Variants in NRG3 observed in about 807,000 individuals in gnomAD.
NRG3 encodes the protein neuregulin 3, also known as pro-neuregulin-3, membrane-bound isoform.
NRG3 carries 31 observed loss-of-function variants against 66.9 expected under a neutral mutation model. That is an observed-to-expected ratio of 0.46 (90% CI 0.35 to 0.63). NRG3 has a LOEUF of 0.63. Ranked by LOEUF, NRG3 falls within the 20% of genes least tolerant of loss-of-function variation. The pLI, the probability that NRG3 is intolerant of heterozygous loss-of-function variation, is 0.00. For synonymous variants in NRG3, 393 were observed against 359.4 expected (o/e 1.09, Z -1.06); for missense variants, 910 against 878.9 (o/e 1.04, Z -0.45).
intron 1 of NRG3, among the ~76,000 whole-genome samples, chr10:82,102,479 T>C (rs945962127): frequency 5.3e-5 from 8 of 151,510 alleles, no homozygotes; most frequent in African/African-American, 1.9e-4. Flanking sequence ...TGGTTTTATT[T>C]AGGTTTAGCT....
chr10:82,684,737 A>G (rs1165934870), intron 2 of NRG3, among the ~76,000 whole-genome samples: 1 of 152,168 alleles, frequency 6.6e-6, no homozygotes. Flanking sequence ...TCAGGAGGGC[A>G]AGAGATGCTG....
At chr10:82,933,177 G>A (rs1181431288) in intron 4 of NRG3, among the ~76,000 whole-genome samples, 2 of 152,202 alleles carry the variant, frequency 1.3e-5, no homozygotes. Context: ...TTTCTCTCCA[G>A]TTCCTGGGAA....
intron 1 of NRG3, among the ~76,000 whole-genome samples, chr10:81,983,685 A>AT (rs1380707742): frequency 1.3e-5 from 2 of 152,158 alleles, no homozygotes; most frequent in African/African-American, 4.8e-5. Context: ...AATTTAAAGT[A>AT]TTTTTTCCTC....
chr10:82,284,412 A>T (rs2079297051), intron 1 of NRG3, among the ~76,000 whole-genome samples: 1 of 152,230 alleles, frequency 6.6e-6, no homozygotes, highest in African/African-American at 2.4e-5. Flanking sequence ...CAAGAACAGG[A>T]ATGGAAAGCA....
At chr10:82,945,744 A>G (rs1472777557) in intron 4 of NRG3, among the ~76,000 whole-genome samples, 1 of 152,164 alleles carries the variant, frequency 6.6e-6, no homozygotes, top group Non-Finnish European at 1.5e-5. Context: ...TAATCACCTC[A>G]TAAAGGCCCC....
At chr10:82,408,083 GAC>G (rs56710891) in intron 2 of NRG3, among the ~76,000 whole-genome samples, 1,304 of 105,938 alleles carry the variant, frequency 0.012, 9 homozygotes, top group East Asian at 0.023. Flanking sequence ...GAGAGAGAGA[GAC>G]AGAAAGAAAG....
intron 1 of NRG3, among the ~76,000 whole-genome samples, chr10:82,297,456 A>C (rs544631037): frequency 6.6e-6 from 1 of 152,224 alleles, no homozygotes; most frequent in Non-Finnish European, 1.5e-5. Flanking sequence ...GAATATGTAA[A>C]TCAACCATTG....
intron 1 of NRG3, among the ~76,000 whole-genome samples, chr10:82,198,855 G>C (rs1448187540): frequency 1.3e-5 from 2 of 151,976 alleles, no homozygotes; most frequent in Non-Finnish European, 2.9e-5. Flanking sequence ...AAATTAGCCA[G>C]GTGTGGTGGC....
chr10:82,525,315 A>C (rs1367847139), intron 2 of NRG3, among the ~76,000 whole-genome samples: 1 of 151,892 alleles, frequency 6.6e-6, no homozygotes, highest in Non-Finnish European at 1.5e-5. Flanking sequence ...TTGTTTTTCT[A>C]ACTGCCTAAA....
intron 2 of NRG3, among the ~76,000 whole-genome samples, chr10:82,728,075 C>A (rs2057702079): frequency 6.6e-6 from 1 of 152,084 alleles, no homozygotes; most frequent in Non-Finnish European, 1.5e-5. Flanking sequence ...TAGGAAGTAA[C>A]TAATTTGGTT....
intron 1 of NRG3, among the ~76,000 whole-genome samples, chr10:82,105,792 G>T (rs1473455361): frequency 6.6e-6 from 1 of 152,146 alleles, no homozygotes; most frequent in Admixed American, 6.5e-5. Flanking sequence ...AGATAACAGG[G>T]ATAAAGGAAT....
chr10:82,098,987 G>C (rs1467909563), intron 1 of NRG3, among the ~76,000 whole-genome samples: 1 of 152,088 alleles, frequency 6.6e-6, no homozygotes, highest in Non-Finnish European at 1.5e-5. Flanking sequence ...GGATGGTCTC[G>C]ATCTCCTGAC....
At chr10:82,974,410 G>A (rs931967020) in intron 7 of NRG3, among the ~76,000 whole-genome samples, 8 of 152,148 alleles carry the variant, frequency 5.3e-5, no homozygotes, top group African/African-American at 1.7e-4. Flanking sequence ...AAGCTTCCCA[G>A]AAATTGGCTG....
intron 4 of NRG3, among the ~76,000 whole-genome samples, chr10:82,917,555 A>G (rs1249733080): frequency 6.6e-6 from 1 of 151,796 alleles, no homozygotes; most frequent in Non-Finnish European, 1.5e-5. Context: ...TAATCATTTT[A>G]TTTTTCTGGT....
At chr10:82,648,405 T>C (rs1050197043) in intron 2 of NRG3, among the ~76,000 whole-genome samples, 1 of 152,180 alleles carries the variant, frequency 6.6e-6, no homozygotes, top group Non-Finnish European at 1.5e-5. Context: ...TTGGTTACTG[T>C]AGCCTTGTAG....
At chr10:82,717,309 G>A (rs2494020) in intron 2 of NRG3, among the ~76,000 whole-genome samples, 104,185 of 150,952 alleles carry the variant, frequency 0.69, 37,697 homozygotes, top group East Asian at 0.88. Flanking sequence ...AATGTTTTGG[G>A]CATTATCTGT....
At chr10:82,212,468 CA>C (rs1298142906) in intron 1 of NRG3, among the ~76,000 whole-genome samples, 1 of 152,194 alleles carries the variant, frequency 6.6e-6, no homozygotes, top group Admixed American at 6.5e-5. Context: ...AGTGCTTTCG[CA>C]TAAGTTAACT....
At chr10:82,369,462 C>CT (rs2084747014) in intron 2 of NRG3, among the ~76,000 whole-genome samples, 1 of 137,508 alleles carries the variant, frequency 7.3e-6, no homozygotes, top group Non-Finnish European at 1.5e-5. Flanking sequence ...TCATGCCTGG[C>CT]TAATTTTTTA....
At chr10:82,219,657 A>G (rs1441924611) in intron 1 of NRG3, among the ~76,000 whole-genome samples, 1 of 152,100 alleles carries the variant, frequency 6.6e-6, no homozygotes, top group Non-Finnish European at 1.5e-5. Flanking sequence ...GTTAATTGGA[A>G]TTAATATTTG....
Sources: gnomAD v4.1 joint callset for allele counts (sites outside exome capture counted in the v4.1 genomes callset) on GRCh38, gnomAD v4.1.1 for gene constraint, MANE v1.5 for transcripts, NCBI Gene and HGNC (gene_info 2026-07-23, HGNC 2026-07-21) for gene names.